Variants in SS18 observed in about 807,000 individuals in gnomAD.
SS18 encodes the protein protein SSXT.
A neutral mutation model predicts 72.5 loss-of-function variants in SS18; 28 were observed. The ratio of observed to expected loss-of-function variants is 0.39; its 90% CI spans 0.29 to 0.53. The LOEUF is 0.53. Ranked by LOEUF, SS18 falls within the 20% of genes least tolerant of loss-of-function variation. The probability of loss-of-function intolerance (pLI) is 0.76; values close to 1 mark genes in which losing one functional copy is unlikely to be tolerated. For missense variants in SS18, 518 were observed against 535.3 expected, an observed-to-expected ratio of 0.97 and a Z score of 0.32; for synonymous variants, 172 against 164.2, an observed-to-expected ratio of 1.05 and a Z score of -0.37.
intron 5 of SS18, 90 bp from the exon 6 acceptor site, chr18:26,039,546 C>A (rs2053688543): frequency 1.7e-6 from 2 of 1,175,858 alleles, no homozygotes; most frequent in Non-Finnish European, 2.3e-6. Flanking sequence ...TCATATAGTC[C>A]CAAAAATATA....
intron 9 of SS18, among the ~76,000 whole-genome samples, chr18:26,033,455 T>C (rs1296045194): frequency 6.7e-6 from 1 of 149,224 alleles, no homozygotes; most frequent in Non-Finnish European, 1.5e-5. Flanking sequence ...GAGGTTGCAG[T>C]GAGCAGAGAT....
At chr18:26,078,194 A>G (rs1479270137) in intron 2 of SS18, 34 bp from the exon 3 acceptor site, 4 of 1,507,808 alleles carry the variant, frequency 2.7e-6, no homozygotes. Flanking sequence ...GTATTAAAAA[A>G]TAATTTTCTT....
chr18:26,016,626 G>A lies in SS18; in HGVS notation c.*1728C>T, dbSNP rs1331984514. 2.5e-4 allele frequency: 46 copies of A among 186,336 alleles called. No individual in the cohort carries two copies. The East Asian group carries it at 3.9e-3, about 16-fold the overall frequency. 11.5% of individuals were successfully genotyped at this position (186,336 alleles called of 1,614,324 possible). A position where few individuals can be genotyped will look rare whatever the true frequency, so the allele number is the denominator to read the frequency against. ...TCATCCCAGCTACTCAGGAGGCTGA[G>A]GCAGGAGAACTGCTTGAACCTGGGA... On this transcript the variant is annotated 3_prime_UTR_variant, in exon 11 of 11. Transcript: ENST00000415083.
intron 7 of SS18, 44 bp downstream of exon 7, chr18:26,038,511 A>G (rs761818331): frequency 1.3e-6 from 2 of 1,498,218 alleles, no homozygotes; most frequent in Non-Finnish European, 1.9e-6. Flanking sequence ...CATTAATATT[A>G]GGCAGGGATA....
At chr18:26,084,649 T>C (rs2054585643) in intron 2 of SS18, among the ~76,000 whole-genome samples, 1 of 152,148 alleles carries the variant, frequency 6.6e-6, no homozygotes, top group Non-Finnish European at 1.5e-5. Flanking sequence ...ATCACGTCAG[T>C]GGTACTTCTG....
chr18:26,076,948 T>C (rs764800653), intron 3 of SS18, among the ~76,000 whole-genome samples: 4 of 152,032 alleles, frequency 2.6e-5, no homozygotes, highest in Admixed American at 1.3e-4. Context: ...CAAGCATTTA[T>C]CATGACTTTC....
At chr18:26,030,092 G>C (rs1027960578) in intron 10 of SS18, among the ~76,000 whole-genome samples, 1 of 152,176 alleles carries the variant, frequency 6.6e-6, no homozygotes, top group Non-Finnish European at 1.5e-5. Context: ...CCAAGTGCTA[G>C]CCACTGCTAC....
chr18:26,081,208 T>A (rs2054516323), intron 2 of SS18: 1 of 152,214 alleles, frequency 6.6e-6, no homozygotes, highest in Non-Finnish European at 1.5e-5. Context: ...CTTTTTTCTT[T>A]TGAGACAGAA....
intron 5 of SS18, among the ~76,000 whole-genome samples, chr18:26,042,430 G>C (rs2053745192): frequency 6.6e-6 from 1 of 152,062 alleles, no homozygotes; most frequent in African/African-American, 2.4e-5. Context: ...TTTTGCAAGT[G>C]TTTTGCAAGG....
intron 10 of SS18, among the ~76,000 whole-genome samples, chr18:26,029,846 G>A (rs2053514196): frequency 6.6e-6 from 1 of 152,210 alleles, no homozygotes; most frequent in South Asian, 2.1e-4. Context: ...TAGGTCTTTG[G>A]GTGGGGGCTA....
At position 26,057,608 on chromosome 18, in the gene SS18, C is replaced by A; in HGVS notation, c.366G>T (p.Gln122His). 6.2e-7 allele frequency: 1 copy of A among 1,614,014 alleles called. No individual in the cohort carries two copies. Among genetic ancestry groups the A allele is most frequent in the Non-Finnish European group, 8.5e-7 (1 of 1,179,958 alleles). The change falls in exon 4 of 11, where the codon CAG becomes CAT. Residue 122 changes from glutamine (Q) to histidine (H), a missense_variant. Transcript: ENST00000415083. ...GGPPAPHMQNQMNGQMPGPNH... is the reference protein window; with the variant it reads ...GGPPAPHMQNHMNGQMPGPNH... Reference sequence around the variant, plus strand: ...ACTTACCAGGCATCTGGCCGTTCATCTGGTTCTGCATGTGCGGTGCAGGAG... The same window carrying A: ...ACTTACCAGGCATCTGGCCGTTCATATGGTTCTGCATGTGCGGTGCAGGAG...
rs572544633 is a variant in SS18 at position 26,025,228 on chromosome 18, A to C, written c.1231-6848T>G. ...GATTAAAAATAACAGCATCAGATGC[A>C]GTTTAAGAATACTTAGAAAGAAACA... On this transcript the variant is annotated intron_variant, in intron 10 of 10. Coordinates refer to ENST00000415083, the MANE Select transcript of SS18 (RefSeq NM_001007559.3). Among the ~76,000 whole-genome samples, 25 of 152,306 alleles carry C rather than the reference A, an allele frequency of 1.6e-4. No individual in the cohort carries two copies. In the South Asian group the frequency reaches 5.0e-3, roughly 30 times the overall value.
intron 3 of SS18, among the ~76,000 whole-genome samples, chr18:26,077,364 A>T (rs62087794): frequency 7.2e-5 from 11 of 152,108 alleles, no homozygotes; most frequent in African/African-American, 2.7e-4. Flanking sequence ...AGAGAAACAA[A>T]GGAACACGTT....
At chr18:26,044,515 G>C (rs184096711) in intron 5 of SS18, among the ~76,000 whole-genome samples, 324 of 151,516 alleles carry the variant, frequency 2.1e-3, no homozygotes, top group African/African-American at 7.6e-3. Flanking sequence ...GTAGAGACAG[G>C]GTTTCATTAT....
intron 4 of SS18, among the ~76,000 whole-genome samples, chr18:26,053,629 A>T (rs979594872): frequency 2.0e-5 from 3 of 152,174 alleles, no homozygotes; most frequent in African/African-American, 7.2e-5. Context: ...GACCACCACC[A>T]GTAAAAGAAT....
At chr18:26,053,969 G>A (rs2053967680) in intron 4 of SS18, among the ~76,000 whole-genome samples, 1 of 152,088 alleles carries the variant, frequency 6.6e-6, no homozygotes, top group Non-Finnish European at 1.5e-5. Context: ...CAGTATCTGT[G>A]GGAGATTGGT....
intron 10 of SS18, among the ~76,000 whole-genome samples, chr18:26,020,862 G>C (rs891632265): frequency 1.3e-5 from 2 of 152,078 alleles, no homozygotes; most frequent in African/African-American, 4.8e-5. Context: ...CTGAAACAAA[G>C]GCATGGAGGA....
chr18:26,074,635 A>T (rs962181469), intron 3 of SS18, among the ~76,000 whole-genome samples: 3 of 151,996 alleles, frequency 2.0e-5, no homozygotes, highest in African/African-American at 4.8e-5. Flanking sequence ...TTTTTAACAA[A>T]TTTTTTAGAT....
At chr18:26,068,846 T>C (rs1373416266) in intron 3 of SS18, among the ~76,000 whole-genome samples, 1 of 152,230 alleles carries the variant, frequency 6.6e-6, no homozygotes, top group East Asian at 1.9e-4. Context: ...CAGATATCTT[T>C]GTAAAGATAC....
Sources: gnomAD v4.1 joint callset for allele counts (sites outside exome capture counted in the v4.1 genomes callset) on GRCh38, gnomAD v4.1.1 for gene constraint, MANE v1.5 for transcripts, NCBI Gene and HGNC (gene_info 2026-07-23, HGNC 2026-07-21) for gene names.